TMTC1: variants seen among roughly 807,000 people sequenced by gnomAD.
TMTC1 encodes the protein protein O-mannosyl-transferase TMTC1.
A neutral mutation model predicts 104.8 loss-of-function variants in TMTC1; 73 were observed. That is an observed-to-expected ratio of 0.70 (90% CI 0.58 to 0.85). TMTC1 has a LOEUF of 0.85. TMTC1 is among the 40% of genes least tolerant of loss of function. The pLI, the probability that TMTC1 is intolerant of heterozygous loss-of-function variation, is 0.00. For missense variants in TMTC1, 1,035 were observed against 1,096.1 expected (o/e 0.94, Z 0.79); for synonymous variants, 434 against 428.7 (o/e 1.01, Z -0.15).
intron 5 of TMTC1, among the ~76,000 whole-genome samples, chr12:29,668,843 T>G (rs1198485536): frequency 1.3e-5 from 2 of 152,238 alleles, no homozygotes; most frequent in East Asian, 3.8e-4. Flanking sequence ...AGGCTTTTCA[T>G]ACAAATGAAT....
chr12:29,618,786 A>G (rs896252286), intron 6 of TMTC1, among the ~76,000 whole-genome samples: 5 of 152,302 alleles, frequency 3.3e-5, no homozygotes, highest in African/African-American at 1.2e-4. Flanking sequence ...TTTTCTCAGA[A>G]CAAGATGGAA....
chr12:29,638,708 T>C (rs1358105031), intron 5 of TMTC1, among the ~76,000 whole-genome samples: 1 of 152,224 alleles, frequency 6.6e-6, no homozygotes, highest in East Asian at 1.9e-4. Context: ...ACTCTCCCCA[T>C]GACCGGCTGG....
chr12:29,634,602 T>A (rs997228431), intron 5 of TMTC1, among the ~76,000 whole-genome samples: 1 of 152,222 alleles, frequency 6.6e-6, no homozygotes, highest in East Asian at 1.9e-4. Context: ...TCAGCTCATA[T>A]CTGATTGTGT....
chr12:29,533,402 G>T (rs894944063), intron 11 of TMTC1: 2 of 152,112 alleles, frequency 1.3e-5, no homozygotes, highest in African/African-American at 4.8e-5. Flanking sequence ...ATAAGAGCAA[G>T]GTATACCAAA....
At chr12:29,761,907 G>A (rs1445066256) in intron 2 of TMTC1, among the ~76,000 whole-genome samples, 6 of 152,202 alleles carry the variant, frequency 3.9e-5, no homozygotes, top group East Asian at 3.9e-4. Flanking sequence ...GTGGTCGGAC[G>A]CAGTGGCTCA....
intron 13 of TMTC1, among the ~76,000 whole-genome samples, chr12:29,518,133 T>A (rs112224914): frequency 0.013 from 1,967 of 152,322 alleles, 38 homozygotes; most frequent in African/African-American, 0.045. Flanking sequence ...ATGATGAATT[T>A]GTTCTCATGT....
intron 5 of TMTC1, among the ~76,000 whole-genome samples, chr12:29,643,700 T>TAATATATAAA (rs376453734): frequency 0.032 from 43 of 1,324 alleles, 1 homozygote; most frequent in Non-Finnish European, 0.047. Context: ...ATTATATATA[T>TAATATATAAA]TATATATTAT....
intron 1 of TMTC1, among the ~76,000 whole-genome samples, chr12:29,772,146 T>C (rs1041085086): frequency 2.6e-5 from 4 of 152,224 alleles, no homozygotes; most frequent in Non-Finnish European, 5.9e-5. Context: ...ACTTCTTTTT[T>C]ATTTATCAGG....
rs563732496 is a variant in TMTC1 at position 29,671,463 on chromosome 12, G to C, written c.939-38127C>G. 5.3e-5 allele frequency among the ~76,000 whole-genome samples: 8 copies of C among 152,238 alleles called. No homozygotes were observed. In the South Asian group the frequency reaches 1.2e-3, roughly 24 times the overall value. Reference sequence around the variant, plus strand: ...AAGTCTTAGAAGCAATATAGAAAAAGCATACATGCATACATTTAACTTGTA... The same window carrying C: ...AAGTCTTAGAAGCAATATAGAAAAACCATACATGCATACATTTAACTTGTA... On this transcript the variant is annotated intron_variant, in intron 5 of 17. Transcript: ENST00000539277.
rs1591832705 is a variant in TMTC1 at position 29,633,230 on chromosome 12, T to C, written c.1045A>G (p.Ile349Val). ...GTGGCTAAGTTCCGCATGTCCCATA[T>C]GGTCTCTACCAGAGGAATACTGCCG... ...QVGSIPLVETIWDMRNLATIF... is the reference protein window; with the variant it reads ...QVGSIPLVETVWDMRNLATIF... Residue 349 changes from isoleucine to valine, a missense_variant, in exon 6 of 18, where the codon ATA becomes GTA. Ile to Val is a conservative substitution (Grantham distance 29). Coordinates refer to ENST00000539277, the MANE Select transcript of TMTC1 (RefSeq NM_001193451.2). The C allele has an allele frequency of 1.2e-6, 2 of 1,614,058 alleles. No individual in the cohort carries two copies. The highest frequency in any genetic ancestry group is 1.3e-5 in the African/African-American group (1 of 75,006).
intron 5 of TMTC1, among the ~76,000 whole-genome samples, chr12:29,719,486 T>A (rs938553321): frequency 2.6e-5 from 4 of 152,204 alleles, no homozygotes; most frequent in Non-Finnish European, 5.9e-5. Flanking sequence ...GGTTTGTGAT[T>A]ATACATCCTC....
At chr12:29,632,504 C>T (rs1938349129) in intron 6 of TMTC1, among the ~76,000 whole-genome samples, 1 of 152,168 alleles carries the variant, frequency 6.6e-6, no homozygotes, top group African/African-American at 2.4e-5. Context: ...TCACTGGGCA[C>T]TCATTATTCT....
chr12:29,614,605 A>G (rs1460982830), intron 6 of TMTC1, among the ~76,000 whole-genome samples: 1 of 152,204 alleles, frequency 6.6e-6, no homozygotes, highest in Non-Finnish European at 1.5e-5. Flanking sequence ...GCACACACCT[A>G]TCTTCATCAT....
chr12:29,624,711 C>A (rs553664262), intron 6 of TMTC1, among the ~76,000 whole-genome samples: 1 of 152,176 alleles, frequency 6.6e-6, no homozygotes, highest in Non-Finnish European at 1.5e-5. Context: ...CTGACCTCTT[C>A]GCATCACCTA....
At chr12:29,685,223 T>TA (rs544371402) in intron 5 of TMTC1, among the ~76,000 whole-genome samples, 1,635 of 151,498 alleles carry the variant, frequency 0.011, 34 homozygotes, top group African/African-American at 0.037. Flanking sequence ...CCACAAAGAT[T>TA]AAAAAAAAAT....
At chr12:29,634,331 A>AC (rs1181696295) in intron 5 of TMTC1, among the ~76,000 whole-genome samples, 2 of 152,244 alleles carry the variant, frequency 1.3e-5, no homozygotes, top group Non-Finnish European at 2.9e-5. Flanking sequence ...CAGGAAGGAC[A>AC]GAGCCTCTGC....
At chr12:29,641,501 C>T (rs1938851474) in intron 5 of TMTC1, among the ~76,000 whole-genome samples, 1 of 152,148 alleles carries the variant, frequency 6.6e-6, no homozygotes, top group South Asian at 2.1e-4. Flanking sequence ...ATAATCACTG[C>T]AGTTTGGCTC....
intron 9 of TMTC1, among the ~76,000 whole-genome samples, chr12:29,562,561 G>T (rs1945403533): frequency 6.6e-6 from 1 of 152,184 alleles, no homozygotes; most frequent in Non-Finnish European, 1.5e-5. Flanking sequence ...GGCTTGGGGT[G>T]AACTTTGGTT....
chr12:29,764,279 T>G (rs1366670157), intron 2 of TMTC1, among the ~76,000 whole-genome samples: 1 of 152,260 alleles, frequency 6.6e-6, no homozygotes, highest in African/African-American at 2.4e-5. Context: ...GGAGTTAATT[T>G]GCTATAGAAA....
Sources: gnomAD v4.1 joint callset for allele counts (sites outside exome capture counted in the v4.1 genomes callset) on GRCh38, gnomAD v4.1.1 for gene constraint, MANE v1.5 for transcripts, NCBI Gene and HGNC (gene_info 2026-07-23, HGNC 2026-07-21) for gene names.